The following NUP205 variants were observed in gnomAD, a reference collection of about 807,000 sequenced individuals.
The protein encoded by NUP205 is nucleoporin 205, also known as nuclear pore complex protein Nup205.
In NUP205, 76 loss-of-function variants were observed where a neutral mutation model predicts 253.8. The ratio of observed to expected loss-of-function variants is 0.30; its 90% CI spans 0.25 to 0.36. The LOEUF (loss-of-function observed/expected upper bound fraction) is 0.36, where lower values mean the gene tolerates loss of function less well. Ranked by LOEUF, NUP205 falls within the 10% of genes least tolerant of loss-of-function variation. The pLI, the probability that NUP205 is intolerant of heterozygous loss-of-function variation, is 1.00. For missense variants in NUP205, 2,162 were observed against 2,425.5 expected (o/e 0.89, Z 2.28); for synonymous variants, 832 against 850.1 (o/e 0.98, Z 0.37).
rs780892550 is a variant in NUP205, at chr7:135,557,938, C to T, written c.-7C>T. The T allele has an allele frequency of 1.7e-5, 27 of 1,613,622 alleles. No homozygotes were observed. In the South Asian group the frequency reaches 2.1e-4, roughly 12 times the overall value. On this transcript the variant is annotated 5_prime_UTR_variant, in exon 1 of 43. Transcript: ENST00000285968. ...CGGCAGAAGGGCTCTGTTAGTGCGC[C>T]TCTAAGATGGCGACGCCTTTGGCGG...
At chr7:135,612,088 C>T (rs1408457733) in intron 22 of NUP205, among the ~76,000 whole-genome samples, 1 of 152,120 alleles carries the variant, frequency 6.6e-6, no homozygotes, top group Non-Finnish European at 1.5e-5. Flanking sequence ...CCACTGCACT[C>T]CAGCCTGAGC....
At chr7:135,630,941 T>G (rs1794700255) in intron 35 of NUP205, among the ~76,000 whole-genome samples, 1 of 151,780 alleles carries the variant, frequency 6.6e-6, no homozygotes, top group African/African-American at 2.4e-5. Flanking sequence ...TGTTTTGTTT[T>G]TTTTTTTTAA....
At chr7:135,618,732 G>T in intron 28 of NUP205, 129 bp downstream of exon 28, 1 of 721,432 alleles carries the variant, frequency 1.4e-6, no homozygotes. Flanking sequence ...CCAACGTTAA[G>T]ACTTTCCTTG....
At chr7:135,637,849 T>A in intron 36 of NUP205, 82 bp from the exon 37 acceptor site, 1 of 1,308,490 alleles carries the variant, frequency 7.6e-7, no homozygotes, top group Non-Finnish European at 1.1e-6. Flanking sequence ...CATTCTCCAC[T>A]GAGTTTTTCT....
intron 15 of NUP205, among the ~76,000 whole-genome samples, chr7:135,599,986 G>T (rs1041154849): frequency 2.0e-4 from 31 of 152,098 alleles, no homozygotes; most frequent in African/African-American, 7.2e-4. Flanking sequence ...TTTGGAAAAT[G>T]CAAAACAGTG....
At position 135,622,937 on chromosome 7, in the gene NUP205, C is replaced by G; in HGVS notation, c.4479+12C>G. The G allele has an allele frequency of 6.2e-7, 1 of 1,611,766 alleles. No homozygotes were observed. The highest frequency in any genetic ancestry group is 8.5e-7 in the Non-Finnish European group (1 of 1,178,826). On this transcript the variant is annotated intron_variant, in intron 31 of 42. Coordinates refer to ENST00000285968, the MANE Select transcript of NUP205 (RefSeq NM_015135.3). ...ATGAGATTGGAAGGGTAAAGCAACTCTTATTTAGTATTATAATTGAATAAG... is the reference window on the plus strand; with the variant it reads ...ATGAGATTGGAAGGGTAAAGCAACTGTTATTTAGTATTATAATTGAATAAG...
rs554898685 is a variant in NUP205 at position 135,587,509 on chromosome 7, G to A, written c.1219-66G>A. 3.2e-5 allele frequency: 29 copies of A among 897,500 alleles called. 1 individual carries two copies. In the South Asian group the frequency reaches 5.5e-4, roughly 17 times the overall value. 55.6% of individuals were successfully genotyped at this position (897,500 alleles called of 1,614,324 possible). ...TGTAGTCACTTTAAGACAGTTGCCT[G>A]ATTTCATTATTATTAGCATGTACAA... On this transcript the variant is annotated intron_variant, in intron 8 of 42. Coordinates refer to ENST00000285968, the MANE Select transcript of NUP205 (RefSeq NM_015135.3).
Position 135,617,684 on chromosome 7 carries a change from T to TA in NUP205, c.3771+4dup. On this transcript the variant is annotated splice_region_variant and intron_variant, in intron 27 of 42. Coordinates refer to ENST00000285968, the MANE Select transcript of NUP205 (RefSeq NM_015135.3). ...GGACAGAGACCTCTACTAATGGAGG[T>TA]AAGCTCTATTGAGTATGTGTTCGTT... 6.3e-7 allele frequency: 1 copy of TA among 1,590,288 alleles called. No homozygotes were observed. Among genetic ancestry groups the TA allele is most frequent in the South Asian group, 1.1e-5 (1 of 90,480 alleles).
Position 135,602,904 on chromosome 7 carries a change from A to G in NUP205, c.2612A>G (p.Gln871Arg). The G allele has an allele frequency of 6.2e-7, 1 of 1,613,832 alleles. No individual in the cohort carries two copies. The highest frequency in any genetic ancestry group is 8.5e-7 in the Non-Finnish European group (1 of 1,179,748). The change falls in exon 18 of 43, where the codon CAA becomes CGA. Residue 871 changes from glutamine to arginine, a missense_variant. Gln to Arg is a conservative substitution (Grantham distance 43, BLOSUM62 1). This residue lies in a region of NUP205 where 892 missense variants were observed against 957.1 expected (regional missense o/e 0.93). Transcript: ENST00000285968. ...NLFMDLLRES[Q>R]LALIVCPLEQ... is the part of the protein sequence containing the mutation. The stretch of plus-strand genomic sequence containing the variant: ...TTTATGGACCTTCTAAGAGAGAGTC[A>G]ACTGGCTCTAATAGTCTGTCCTTTA...
intron 13 of NUP205, among the ~76,000 whole-genome samples, chr7:135,595,385 A>T (rs1184557197): frequency 6.6e-6 from 1 of 151,832 alleles, no homozygotes; most frequent in Non-Finnish European, 1.5e-5. Context: ...TACCACGCCC[A>T]GCTAATTTTT....
At chr7:135,642,532 A>G (rs1328184288) in intron 38 of NUP205, among the ~76,000 whole-genome samples, 1 of 152,200 alleles carries the variant, frequency 6.6e-6, no homozygotes, top group East Asian at 1.9e-4. Flanking sequence ...AACAACTTTT[A>G]TGACATCCCA....
rs1234028680 is a variant in NUP205, at chr7:135,638,695, T to G, written c.5392+12T>G. The G allele has an allele frequency of 6.2e-7, 1 of 1,614,010 alleles. No individual in the cohort carries two copies. Among genetic ancestry groups the G allele is most frequent in the African/African-American group, 1.3e-5 (1 of 74,928 alleles). ...TGGACCGCGGCAAGGTGAGCTTAGT[T>G]TTTCATTCTGTATTGAAGGAACTAA... On this transcript the variant is annotated intron_variant, in intron 38 of 42. Coordinates refer to ENST00000285968, the MANE Select transcript of NUP205 (RefSeq NM_015135.3).
At chr7:135,602,524 G>A (rs1488102214) in intron 17 of NUP205, among the ~76,000 whole-genome samples, 2 of 152,134 alleles carry the variant, frequency 1.3e-5, no homozygotes, top group Non-Finnish European at 2.9e-5. Flanking sequence ...AAACAATAAG[G>A]GAAAAGATAA....
At chr7:135,621,385 G>T (rs1178809045) in intron 30 of NUP205, among the ~76,000 whole-genome samples, 1 of 152,180 alleles carries the variant, frequency 6.6e-6, no homozygotes, top group Non-Finnish European at 1.5e-5. Flanking sequence ...TTTCTTTTGT[G>T]TGTGTGTTTT....
chr7:135,616,556 G>A lies in NUP205; in HGVS notation c.3461-99G>A, dbSNP rs140944918. The A allele has an allele frequency of 2.4e-4, 147 of 610,530 alleles. No individual in the cohort carries two copies. In the African/African-American group the frequency reaches 2.7e-3, roughly 11 times the overall value. The allele number at this position is 610,530 out of a possible 1,614,324, so 37.8% of individuals were successfully genotyped here. On this transcript the variant is annotated intron_variant, in intron 24 of 42. Coordinates refer to ENST00000285968, the MANE Select transcript of NUP205 (RefSeq NM_015135.3). ...CAGGGCTCTTTGATGTAGAAACAAT[G>A]ACCTAGAAATAAGATACCTTGTGTT...
intron 1 of NUP205, among the ~76,000 whole-genome samples, chr7:135,560,910 A>C (rs1563104802): frequency 6.6e-6 from 1 of 152,220 alleles, no homozygotes. Flanking sequence ...GCACAATGTG[A>C]ATACACTGAA....
intron 1 of NUP205, among the ~76,000 whole-genome samples, chr7:135,567,036 G>T (rs1270641397): frequency 6.7e-6 from 1 of 148,850 alleles, no homozygotes; most frequent in African/African-American, 2.5e-5. Flanking sequence ...ACTGCACCCG[G>T]CCTGGAATTC....
chr7:135,609,213 G>A (rs1199043699), intron 22 of NUP205, among the ~76,000 whole-genome samples: 3 of 151,712 alleles, frequency 2.0e-5, no homozygotes, highest in Non-Finnish European at 4.4e-5. Context: ...TGGGTCATGA[G>A]ATCAGGAGAT....
At chr7:135,612,176 G>T (rs1346755086) in intron 22 of NUP205, among the ~76,000 whole-genome samples, 2 of 152,138 alleles carry the variant, frequency 1.3e-5, no homozygotes, top group African/African-American at 4.8e-5. Flanking sequence ...TTTATAGTCA[G>T]TTCTCGTTAT....
Sources: allele counts gnomAD v4.1 joint callset (sites outside exome capture counted in the v4.1 genomes callset), GRCh38; gene constraint gnomAD v4.1.1; regional missense constraint gnomAD v4.1.1; transcripts MANE v1.5; gene names NCBI Gene and HGNC (gene_info 2026-07-23, HGNC 2026-07-21).